The following ZNF444 variants were observed in gnomAD, a reference collection of about 807,000 sequenced individuals.
ZNF444 encodes zinc finger protein 444.
ZNF444 carries 8 observed loss-of-function variants against 14.4 expected under a neutral mutation model. That is an observed-to-expected ratio of 0.56 (90% CI 0.33 to 1.00). The LOEUF (loss-of-function observed/expected upper bound fraction) is 1.00, where lower values mean the gene tolerates loss of function less well. ZNF444 is among the 50% of genes least tolerant of loss of function. ZNF444 has a pLI of 0.03. For missense variants in ZNF444, 510 were observed against 504.8 expected (o/e 1.01, Z -0.10); for synonymous variants, 258 against 235.9 (o/e 1.09, Z -0.86).
chr19:56,135,185 C>T (rs770604565), intron 1 of ZNF444, among the ~76,000 whole-genome samples: 4 of 152,064 alleles, frequency 2.6e-5, no homozygotes, highest in South Asian at 2.1e-4. Context: ...GAGCCGAGAT[C>T]GCGCCACTGC....
upstream of ZNF444, among the ~76,000 whole-genome samples, chr19:56,140,550 A>C (rs2030734593): frequency 6.6e-6 from 1 of 152,168 alleles, no homozygotes; most frequent in Non-Finnish European, 1.5e-5. Flanking sequence ...ACACACAGGA[A>C]GAGCCAAACC....
At position 56,159,856 on chromosome 19, in the gene ZNF444, G is replaced by A. The variant is rs1259066578; in HGVS notation, c.639G>A (p.Gly213=). 1.3e-6 allele frequency: 2 copies of A among 1,548,236 alleles called. No homozygotes were observed. The highest frequency in any genetic ancestry group is 1.9e-5 in the Admixed American group (1 of 52,858). The change falls in exon 5 of 5, where the codon GGG becomes GGA. Residue 213 remains glycine (G), a synonymous_variant. Transcript: ENST00000337080. ...GEKPHACPEC[G]KAFRRKEHLR... Reference sequence around the variant, plus strand: ...AGCCGCACGCCTGCCCTGAGTGCGGGAAGGCCTTTCGGCGCAAGGAGCACC... The same window carrying A: ...AGCCGCACGCCTGCCCTGAGTGCGGAAAGGCCTTTCGGCGCAAGGAGCACC...
upstream of ZNF444, among the ~76,000 whole-genome samples, chr19:56,138,535 A>G (rs369583385): frequency 1.8e-4 from 28 of 152,176 alleles, no homozygotes; most frequent in Non-Finnish European, 3.5e-4. Context: ...CGGGAGGCCA[A>G]TGTGGGAGAA....
At chr19:56,133,087 G>A (rs990922088) in intron 1 of ZNF444, among the ~76,000 whole-genome samples, 3 of 151,694 alleles carry the variant, frequency 2.0e-5, no homozygotes, top group African/African-American at 4.8e-5. Flanking sequence ...ACAGGCATGG[G>A]CCACCATGCC....
intron 1 of ZNF444, among the ~76,000 whole-genome samples, chr19:56,136,132 G>A (rs986147298): frequency 6.7e-6 from 1 of 148,430 alleles, no homozygotes; most frequent in Non-Finnish European, 1.5e-5. Context: ...TCCTTATTGG[G>A]CCCTTGGGCC....
rs1011765400 is a variant in ZNF444, at chr19:56,159,728, G to C, written c.511G>C (p.Ala171Pro). 3.8e-6 allele frequency: 6 copies of C among 1,573,946 alleles called. No homozygotes were observed. The Admixed American group carries it at 8.9e-5, about 23-fold the overall frequency. Residue 171 changes from alanine (A) to proline (P), a missense_variant, in exon 5 of 5, where the codon GCC (alanine) becomes CCC (proline). Transcript: ENST00000337080. The part of the protein sequence containing the change: ...SSPPLAPGLP[A>P]FLAAPGTTSC... ...CCCCCCGCTGGCGCCTGGCCTGCCC[G>C]CCTTCCTAGCGGCCCCGGGCACCAC...
At chr19:56,139,117 C>G (rs1319987250), upstream of ZNF444, among the ~76,000 whole-genome samples, 1 of 151,866 alleles carries the variant, frequency 6.6e-6, no homozygotes, top group Non-Finnish European at 1.5e-5. Flanking sequence ...CTTAATGCTA[C>G]TGAACTGTAC....
upstream of ZNF444, among the ~76,000 whole-genome samples, chr19:56,137,470 A>AAAAAAG (rs540007242): frequency 1.1e-3 from 172 of 151,756 alleles, no homozygotes; most frequent in African/African-American, 3.6e-3. Context: ...ACTCAGCCTC[A>AAAAAAG]AAAAAGAAAA....
chr19:56,148,408 TGCTGGGTGCTGAGATGTA>T (rs1429374978), intron 3 of ZNF444, among the ~76,000 whole-genome samples: 1 of 151,740 alleles, frequency 6.6e-6, no homozygotes, highest in Non-Finnish European at 1.5e-5. Flanking sequence ...ACCGAGTGCC[TGCTGGGTGCTGAGATGTA>T]GCAGCAGAGA....
intron 3 of ZNF444, chr19:56,158,264 G>A: frequency 4.3e-6 from 2 of 461,432 alleles, no homozygotes; most frequent in Non-Finnish European, 7.7e-6. Flanking sequence ...TGGCCAGGCT[G>A]TCATCTGAAG....
chr19:56,156,046 T>A (rs2031883868), intron 3 of ZNF444: 1 of 152,238 alleles, frequency 6.6e-6, no homozygotes, highest in South Asian at 2.1e-4. Context: ...GTTCCGTTAA[T>A]TTGCTAGTGT....
chr19:56,159,335 G>A lies in ZNF444; in HGVS notation c.407-289G>A, dbSNP rs149271755. Among the ~76,000 whole-genome samples, 212 of 150,054 alleles carry A rather than the reference G, an allele frequency of 1.4e-3. 1 individual carries two copies. Among genetic ancestry groups the A allele is most frequent in the Admixed American group, 3.3e-3 (49 of 15,058 alleles). ...TCTGTACATTCATCCATCCATCATC[G>A]GTCCATTCATCACCCATCATCCACC... On this transcript the variant is annotated intron_variant, in intron 4 of 4. Coordinates refer to ENST00000337080, the MANE Select transcript of ZNF444 (RefSeq NM_018337.4).
In ZNF444 at chr19:56,144,644, G is replaced by A. The variant is rs62120806; in HGVS notation, c.-196-1603G>A. Among the ~76,000 whole-genome samples the A allele has an allele frequency of 0.019, 2,925 of 152,274 alleles. 47 individuals carry two copies. Among genetic ancestry groups the A allele is most frequent in the Non-Finnish European group, 0.029 (1,992 of 68,030 alleles). On this transcript the variant is annotated intron_variant, in intron 1 of 4. Transcript: ENST00000337080. This position sits in a 1 kb window ranked among gnomAD's most constrained non-coding sequence, Gnocchi z 4.0. ...AGCCCAGGCTTTGGTTGTATCAGGA[G>A]GAAAATTGTCTGAACACAGACTTCC...
At chr19:56,158,626 C>A in intron 4 of ZNF444, 24 bp downstream of exon 4, 1 of 1,576,468 alleles carries the variant, frequency 6.3e-7, no homozygotes, top group Non-Finnish European at 8.6e-7. Flanking sequence ...CTCTCTGGTT[C>A]TCCCCGCCAG....
In ZNF444 at chr19:56,160,127, G is replaced by A; in HGVS notation, c.910G>A (p.Ala304Thr). Residue 304 changes from alanine to threonine, a missense_variant, in exon 5 of 5, where the codon GCG becomes ACG. Coordinates refer to ENST00000337080, the MANE Select transcript of ZNF444 (RefSeq NM_018337.4). ...LRHQRIHGRAAASAQGAVAPG... is the reference protein window; with the variant it reads ...LRHQRIHGRATASAQGAVAPG... ...CCACCAGCGCATCCACGGCCGGGCA[G>A]CGGCCAGCGCGCAGGGGGCGGTAGC... 1.3e-6 allele frequency: 2 copies of A among 1,483,344 alleles called. No homozygotes were observed. The highest frequency in any genetic ancestry group is 1.8e-6 in the Non-Finnish European group (2 of 1,124,680). 91.9% of individuals were successfully genotyped at this position (1,483,344 alleles called of 1,614,324 possible).
intron 1 of ZNF444, chr19:56,143,724 A>C (rs192655933): frequency 1.3e-5 from 2 of 152,390 alleles, no homozygotes; most frequent in South Asian, 4.1e-4. Flanking sequence ...TCTCGCCCAC[A>C]TGAATTGTAG....
chr19:56,136,156 C>T (rs1254352390), intron 1 of ZNF444, among the ~76,000 whole-genome samples: 3 of 151,312 alleles, frequency 2.0e-5, no homozygotes, highest in Non-Finnish European at 4.4e-5. Flanking sequence ...ATTAACCACG[C>T]TCACCCCCAA....
chr19:56,141,645 T>TGGGGGAG (rs2030820481), intron 1 of ZNF444: 1 of 65,872 alleles, frequency 1.5e-5, no homozygotes, highest in Non-Finnish European at 2.7e-5. Context: ...GAGGGGCGCC[T>TGGGGGAG]GGGGGAGGGG....
At chr19:56,133,950 G>T in intron 1 of ZNF444, among the ~76,000 whole-genome samples, 1 of 152,086 alleles carries the variant, frequency 6.6e-6, no homozygotes, top group South Asian at 2.1e-4. Context: ...TTTCTCAAAC[G>T]TTTCCTGTTG....
Sources: gnomAD v4.1 joint callset for allele counts (sites outside exome capture counted in the v4.1 genomes callset) on GRCh38, gnomAD v4.1.1 for gene constraint, Gnocchi (gnomAD v3.1) non-coding constraint, MANE v1.5 for transcripts, NCBI Gene and HGNC (gene_info 2026-07-23, HGNC 2026-07-21) for gene names.